Variants in ADAMTS19 observed in about 807,000 individuals in gnomAD.
ADAMTS19 encodes A disintegrin and metalloproteinase with thrombospondin motifs 19.
ADAMTS19 carries 93 observed loss-of-function variants against 153.3 expected under a neutral mutation model. That is an observed-to-expected ratio of 0.61 (90% CI 0.51 to 0.72). The LOEUF (loss-of-function observed/expected upper bound fraction) is 0.72. Ranked by LOEUF, ADAMTS19 falls within the 30% of genes least tolerant of loss-of-function variation. The probability of loss-of-function intolerance (pLI) is 0.00; values close to 1 mark genes in which losing one functional copy is unlikely to be tolerated. For missense variants in ADAMTS19, 1,482 were observed against 1,552.1 expected, an observed-to-expected ratio of 0.95 and a Z score of 0.76; for synonymous variants, 600 against 556.6, an observed-to-expected ratio of 1.08 and a Z score of -1.10.
At chr5:129,618,292 C>T (rs1270877378) in intron 8 of ADAMTS19, among the ~76,000 whole-genome samples, 1 of 151,848 alleles carries the variant, frequency 6.6e-6, no homozygotes, top group African/African-American at 2.4e-5. Flanking sequence ...ATATGTGTTG[C>T]TACAGACTCT....
chr5:129,507,365 A>G (rs1751298515), intron 2 of ADAMTS19, among the ~76,000 whole-genome samples: 1 of 151,882 alleles, frequency 6.6e-6, no homozygotes, highest in Non-Finnish European at 1.5e-5. Flanking sequence ...GATGTACTAC[A>G]TCTTTAATGG....
At chr5:129,684,499 G>GGATTA (rs879471040) in intron 18 of ADAMTS19, among the ~76,000 whole-genome samples, 1 of 132,612 alleles carries the variant, frequency 7.5e-6, no homozygotes, top group African/African-American at 3.2e-5. Flanking sequence ...ACTACTCTTT[G>GGATTA]CATTACATTA....
At chr5:129,470,926 C>T (rs566999587) in intron 2 of ADAMTS19, among the ~76,000 whole-genome samples, 224 of 152,096 alleles carry the variant, frequency 1.5e-3, no homozygotes, top group Non-Finnish European at 2.7e-3. Context: ...TTGCCCTCAA[C>T]TCTTTTTGTA....
chr5:129,545,359 C>A (rs1197445637), intron 6 of ADAMTS19, among the ~76,000 whole-genome samples: 1 of 152,056 alleles, frequency 6.6e-6, no homozygotes, highest in Non-Finnish European at 1.5e-5. Flanking sequence ...GGGATTCTCC[C>A]AGCAGGCTAC....
chr5:129,635,387 CA>C (rs1400721933), intron 10 of ADAMTS19, among the ~76,000 whole-genome samples: 1 of 152,130 alleles, frequency 6.6e-6, no homozygotes, highest in Non-Finnish European at 1.5e-5. Flanking sequence ...AGCATTTGAC[CA>C]GCAATCCCAT....
chr5:129,567,344 T>C (rs62398983), intron 7 of ADAMTS19, among the ~76,000 whole-genome samples: 2 of 152,126 alleles, frequency 1.3e-5, no homozygotes, highest in Non-Finnish European at 2.9e-5. Flanking sequence ...CATGAAAATC[T>C]CAATTTGCAT....
At chr5:129,573,786 TACTGTTAACA>T (rs953916392) in intron 7 of ADAMTS19, among the ~76,000 whole-genome samples, 88 of 152,246 alleles carry the variant, frequency 5.8e-4, no homozygotes, top group African/African-American at 2.0e-3. Context: ...CAAGATTCTT[TACTGTTAACA>T]ATTGACTTTA....
intron 7 of ADAMTS19, among the ~76,000 whole-genome samples, chr5:129,584,760 A>G (rs1749698138): frequency 1.3e-5 from 2 of 152,194 alleles, no homozygotes; most frequent in Non-Finnish European, 2.9e-5. Flanking sequence ...ACCAAGCTTG[A>G]CCATCCCAGG....
chr5:129,528,609 A>C lies in ADAMTS19; in HGVS notation c.1260A>C (p.Ile420=), dbSNP rs368977962. Residue 420 remains isoleucine, a synonymous_variant, in exon 6 of 23, where the codon ATA becomes ATC. Coordinates refer to ENST00000274487, the MANE Select transcript of ADAMTS19 (RefSeq NM_133638.6). The part of the protein sequence containing the change: ...QHEEFGKKND[I]HLEMSTNWGE... ...AAGAATTTGGCAAAAAGAATGATAT[A>C]CATTTAGAGATGTCAACAAACTGGG... 3 of 1,608,406 alleles carry C rather than the reference A, an allele frequency of 1.9e-6. No individual in the cohort carries two copies. The highest frequency in any genetic ancestry group is 4.5e-5 in the East Asian group (2 of 44,512).
At chr5:129,717,821 T>C (rs1022046133) in intron 21 of ADAMTS19, among the ~76,000 whole-genome samples, 13 of 152,214 alleles carry the variant, frequency 8.5e-5, no homozygotes, top group African/African-American at 3.1e-4. Flanking sequence ...ATCAAGACTT[T>C]ACTTATTTAA....
chr5:129,695,874 G>T (rs576503862), intron 19 of ADAMTS19, among the ~76,000 whole-genome samples: 1 of 152,284 alleles, frequency 6.6e-6, no homozygotes, highest in African/African-American at 2.4e-5. Context: ...AAGAGCTTCT[G>T]TAATGGCTTC....
chr5:129,552,135 A>G (rs963381495), intron 7 of ADAMTS19, among the ~76,000 whole-genome samples: 4 of 151,886 alleles, frequency 2.6e-5, no homozygotes, highest in African/African-American at 9.7e-5. Context: ...TAAGGCTATA[A>G]TTAGTCCTTT....
chr5:129,498,552 A>T (rs528372274), intron 2 of ADAMTS19, among the ~76,000 whole-genome samples: 1 of 152,204 alleles, frequency 6.6e-6, no homozygotes, highest in East Asian at 1.9e-4. Flanking sequence ...GGACACAAAC[A>T]TGTTGTTATA....
chr5:129,683,238 G>C (rs939302296), intron 17 of ADAMTS19, among the ~76,000 whole-genome samples: 1 of 123,282 alleles, frequency 8.1e-6, no homozygotes, highest in Admixed American at 9.8e-5. Flanking sequence ...GTGTGTATGT[G>C]GGGGAGGGGG....
chr5:129,690,254 A>G (rs1561651251), intron 18 of ADAMTS19, among the ~76,000 whole-genome samples: 4 of 152,260 alleles, frequency 2.6e-5, no homozygotes, highest in South Asian at 2.1e-4. Context: ...TTCCAAGGAT[A>G]TACCTCGGTG....
chr5:129,540,158 C>A (rs1752607731), intron 6 of ADAMTS19, among the ~76,000 whole-genome samples: 1 of 152,042 alleles, frequency 6.6e-6, no homozygotes, highest in African/African-American at 2.4e-5. Flanking sequence ...GGCTCAGTTT[C>A]TAGTAAATGC....
chr5:129,527,511 A>G (rs942990938), intron 4 of ADAMTS19, among the ~76,000 whole-genome samples: 2 of 150,986 alleles, frequency 1.3e-5, no homozygotes, highest in African/African-American at 4.9e-5. Context: ...CTCTGAAAGC[A>G]TGGGTTTGGT....
rs948616298 is a variant in ADAMTS19, at chr5:129,658,648, T to C, written c.2336T>C (p.Leu779Pro). The C allele has an allele frequency of 8.1e-6, 13 of 1,613,244 alleles. No homozygotes were observed. The highest frequency in any genetic ancestry group is 1.6e-4 in the Middle Eastern group (1 of 6,072). ...KVGCDGLLGS[L>P]AREDHCGVCN... ...GGCTGTGATGGTTTATTAGGGTCTC[T>C]TGCAAGAGAAGATCATTGTGGTGTA... is the stretch of plus-strand genomic sequence containing the variant. The change falls in exon 15 of 23, where the codon CTT becomes CCT. Residue 779 changes from leucine (L) to proline (P), a missense_variant. This residue lies in a region of ADAMTS19 where 616 missense variants were observed against 724.4 expected (regional missense o/e 0.85). Coordinates refer to ENST00000274487, the MANE Select transcript of ADAMTS19 (RefSeq NM_133638.6).
chr5:129,688,699 C>T (rs1028409326), intron 18 of ADAMTS19, among the ~76,000 whole-genome samples: 1 of 152,058 alleles, frequency 6.6e-6, no homozygotes, highest in Non-Finnish European at 1.5e-5. Flanking sequence ...TCACACTTTC[C>T]GTCACAGTCT....
Sources: allele counts gnomAD v4.1 joint callset (sites outside exome capture counted in the v4.1 genomes callset), GRCh38; gene constraint gnomAD v4.1.1; regional missense constraint gnomAD v4.1.1; transcripts MANE v1.5; gene names NCBI Gene and HGNC (gene_info 2026-07-23, HGNC 2026-07-21).